ANKRD31: variants seen among roughly 807,000 people sequenced by gnomAD.
The protein encoded by ANKRD31 is ankyrin repeat domain-containing protein 31.
A neutral mutation model predicts 186.0 loss-of-function variants in ANKRD31; 147 were observed. The observed-to-expected ratio is 0.79, with a 90% confidence interval of 0.69 to 0.91. The LOEUF (loss-of-function observed/expected upper bound fraction) is 0.91, where lower values mean the gene tolerates loss of function less well. ANKRD31 is among the 40% of genes least tolerant of loss of function. ANKRD31 has a pLI of 0.00. For synonymous variants in ANKRD31, 673 were observed against 736.4 expected, an observed-to-expected ratio of 0.91 and a Z score of 1.39; for missense variants, 1,986 against 2,148.8, an observed-to-expected ratio of 0.92 and a Z score of 1.50.
intron 17 of ANKRD31, among the ~76,000 whole-genome samples, chr5:75,133,337 C>T (rs1170717177): frequency 6.8e-6 from 1 of 146,212 alleles, no homozygotes; most frequent in East Asian, 2.0e-4. Context: ...AAATGGAAAA[C>T]AAAAAAAAAA....
chr5:75,081,734 G>C (rs369678351), intron 24 of ANKRD31, among the ~76,000 whole-genome samples: 1 of 151,474 alleles, frequency 6.6e-6, no homozygotes, highest in African/African-American at 2.4e-5. Flanking sequence ...GAGAGAGAGA[G>C]AGAAAGGGAT....
intron 10 of ANKRD31, among the ~76,000 whole-genome samples, chr5:75,181,037 A>C (rs1419481673): frequency 6.7e-6 from 1 of 150,076 alleles, no homozygotes; most frequent in Non-Finnish European, 1.5e-5. Context: ...AATTTACAAA[A>C]AAAAAAAACA....
chr5:75,097,841 G>T (rs1258891250), intron 22 of ANKRD31, among the ~76,000 whole-genome samples: 5 of 152,134 alleles, frequency 3.3e-5, no homozygotes, highest in Non-Finnish European at 5.9e-5. Flanking sequence ...TGTATAAGGT[G>T]TAAGGAAGGG....
intron 5 of ANKRD31, among the ~76,000 whole-genome samples, chr5:75,203,385 C>T (rs1233763375): frequency 3.3e-5 from 5 of 152,014 alleles, no homozygotes; most frequent in African/African-American, 4.8e-5. Context: ...AAGGGGAGGC[C>T]GGGCGCGGTG....
intron 19 of ANKRD31, among the ~76,000 whole-genome samples, chr5:75,113,351 A>T (rs1580350463): frequency 6.6e-6 from 1 of 152,246 alleles, no homozygotes; most frequent in Admixed American, 6.5e-5. Context: ...CATCTCATAC[A>T]GGAAACTTCT....
At chr5:75,090,213 C>G (rs945516979) in intron 23 of ANKRD31, among the ~76,000 whole-genome samples, 7 of 152,256 alleles carry the variant, frequency 4.6e-5, no homozygotes, top group Middle Eastern at 3.4e-3. Flanking sequence ...GGGGCTAAGA[C>G]GAACTGAAAG....
Position 75,148,627 on chromosome 5 carries a change from A to G in ANKRD31, c.1854T>C (p.Ala618=). The part of the protein sequence containing the change: ...IPKHQKCLTS[A]QRSSIDPLDI... ...CTAGTGGGTCAATGCTACTCCTTTG[A>G]GCTGTAAACAAAAAGAGAAAATCAA... The change falls in exon 13 of 26, where the codon GCT becomes GCC. Residue 618 remains alanine, a splice_region_variant and synonymous_variant. Coordinates refer to ENST00000506364, the MANE Select transcript of ANKRD31 (RefSeq NM_001372053.1). The G allele has an allele frequency of 6.6e-7, 1 of 1,520,602 alleles. No individual in the cohort carries two copies. Among genetic ancestry groups the G allele is most frequent in the Non-Finnish European group, 8.8e-7 (1 of 1,138,142 alleles). The allele number at this position is 1,520,602 out of a possible 1,614,324, so 94.2% of individuals were successfully genotyped here. A position where few individuals can be genotyped will look rare whatever the true frequency, so the allele number is the denominator to read the frequency against.
chr5:75,176,547 C>T (rs1055705248), intron 10 of ANKRD31, among the ~76,000 whole-genome samples: 1 of 152,172 alleles, frequency 6.6e-6, no homozygotes, highest in Non-Finnish European at 1.5e-5. Flanking sequence ...TCCAGAGGAA[C>T]AATCAGGCAG....
At chr5:75,213,120 C>T (rs1425119148) in intron 3 of ANKRD31, among the ~76,000 whole-genome samples, 1 of 152,140 alleles carries the variant, frequency 6.6e-6, no homozygotes, top group Non-Finnish European at 1.5e-5. Context: ...CACATATATA[C>T]TTCCCAAGCA....
In ANKRD31 at chr5:75,116,659, A is replaced by T; in HGVS notation, c.4062T>A (p.Ser1354=). ...CACAAAAACACTGTTTATGTCTTTT[A>T]GACCGGACAGCAGGAATTTTTTCTT... ...IVNEKIPAVR[S]KRHKQCFCDD... Residue 1354 remains serine, a synonymous_variant, in exon 19 of 26, where the codon TCT becomes TCA. Coordinates refer to ENST00000506364, the MANE Select transcript of ANKRD31 (RefSeq NM_001372053.1). The T allele has an allele frequency of 7.0e-7, 1 of 1,431,832 alleles. No homozygotes were observed. Among genetic ancestry groups the T allele is most frequent in the Non-Finnish European group, 9.2e-7 (1 of 1,085,232 alleles). The allele number at this position is 1,431,832 out of a possible 1,614,324, so 88.7% of individuals were successfully genotyped here. A position where few individuals can be genotyped will look rare whatever the true frequency, so the allele number is the denominator to read the frequency against.
chr5:75,181,323 G>A (rs923353899), intron 10 of ANKRD31, among the ~76,000 whole-genome samples: 1 of 152,158 alleles, frequency 6.6e-6, no homozygotes, highest in Non-Finnish European at 1.5e-5. Flanking sequence ...GGAAGTCGGT[G>A]TGGCGATTCC....
chr5:75,157,822 G>A (rs919694240), intron 11 of ANKRD31, among the ~76,000 whole-genome samples: 7 of 152,224 alleles, frequency 4.6e-5, no homozygotes, highest in Non-Finnish European at 1.0e-4. Context: ...TAGACTGAAA[G>A]AGAGAGAATG....
intron 22 of ANKRD31, among the ~76,000 whole-genome samples, chr5:75,091,617 T>C (rs931885541): frequency 3.3e-5 from 5 of 152,092 alleles, no homozygotes; most frequent in African/African-American, 1.2e-4. Flanking sequence ...ATTAAAAAGG[T>C]GAGAGTCTAT....
In ANKRD31 at chr5:75,084,328, GC is replaced by G; in HGVS notation, c.5518del (p.Ala1840HisfsTer24). On this transcript the variant is annotated frameshift_variant, in exon 24 of 26. Transcript: ENST00000506364. LOFTEE classifies it high-confidence loss of function. Reference protein sequence around the residue: ...KELLRYVSEDAPILPEPNSVP... With the variant: ...KELLRYVSEDXPILPEPNSVP... ...TGAGTTTGGTTCTGGAAGTATGGGT[GC>G]ATCCTCAGAAACATACCTTAAAAGC... is the stretch of plus-strand genomic sequence containing the variant. The G allele has an allele frequency of 6.5e-7, 1 of 1,537,140 alleles. No homozygotes were observed. Among genetic ancestry groups the G allele is most frequent in the Non-Finnish European group, 8.7e-7 (1 of 1,146,856 alleles).
chr5:75,077,535 C>T (rs4324655), intron 25 of ANKRD31, among the ~76,000 whole-genome samples: 76,656 of 151,886 alleles, frequency 0.5, 22,289 homozygotes, highest in African/African-American at 0.81. Context: ...GGTTTATTAA[C>T]CTGAATTGGG....
At chr5:75,174,619 A>G (rs1753626467) in intron 10 of ANKRD31, among the ~76,000 whole-genome samples, 1 of 152,258 alleles carries the variant, frequency 6.6e-6, no homozygotes, top group African/African-American at 2.4e-5. Flanking sequence ...GCCAACAGAC[A>G]CATGAAAAAA....
At position 75,137,845 on chromosome 5, in the gene ANKRD31, G is replaced by A. The variant is rs1750715385; in HGVS notation, c.3876+11C>T. ...AAAAGTAGTAAGATCTTAATGTGATGTGCACTGTACCTTTAAATGATTGTT... is the reference window on the plus strand; with the variant it reads ...AAAAGTAGTAAGATCTTAATGTGATATGCACTGTACCTTTAAATGATTGTT... On this transcript the variant is annotated intron_variant, in intron 17 of 25. Transcript: ENST00000506364. The A allele has an allele frequency of 6.7e-7, 1 of 1,491,362 alleles. No homozygotes were observed. The highest frequency in any genetic ancestry group is 1.4e-5 in the African/African-American group (1 of 71,234). 92.4% of individuals were successfully genotyped at this position (1,491,362 alleles called of 1,614,324 possible). A position where few individuals can be genotyped will look rare whatever the true frequency, so the allele number is the denominator to read the frequency against.
At chr5:75,112,312 T>A (rs952065078) in intron 20 of ANKRD31, among the ~76,000 whole-genome samples, 1 of 152,172 alleles carries the variant, frequency 6.6e-6, no homozygotes, top group Non-Finnish European at 1.5e-5. Flanking sequence ...CTTTTAGCTA[T>A]CATTACAAGT....
chr5:75,107,415 C>G, intron 21 of ANKRD31, 106 bp downstream of exon 21: 1 of 721,826 alleles, frequency 1.4e-6, no homozygotes, highest in Non-Finnish European at 2.2e-6. Flanking sequence ...TTATTTGGCC[C>G]CAAGCAGTGT....
Sources: allele counts gnomAD v4.1 joint callset (sites outside exome capture counted in the v4.1 genomes callset), GRCh38; gene constraint gnomAD v4.1.1; transcripts MANE v1.5; gene names NCBI Gene and HGNC (gene_info 2026-07-23, HGNC 2026-07-21).